Variants in SDK2 observed in about 807,000 individuals in gnomAD.
SDK2 encodes protein sidekick-2.
A neutral mutation model predicts 253.9 loss-of-function variants in SDK2; 105 were observed. The observed-to-expected ratio is 0.41, with a 90% CI of 0.35 to 0.49. SDK2 has a LOEUF of 0.49. Among genes scored for constraint, SDK2 ranks in the 20% least tolerant of loss-of-function variants. The probability of loss-of-function intolerance (pLI) is 0.06; values close to 1 mark genes in which losing one functional copy is unlikely to be tolerated. For missense variants in SDK2, 2,608 were observed against 3,003.0 expected (o/e 0.87, Z 3.07); for synonymous variants, 1,249 against 1,234.9 (o/e 1.01, Z -0.24).
rs533880177 is a variant in SDK2, at chr17:73,347,133, G to A, written c.6165+1466C>T. Among the ~76,000 whole-genome samples the A allele has an allele frequency of 8.5e-5, 13 of 152,200 alleles. No individual in the cohort carries two copies. The East Asian group carries it at 9.7e-4, about 11-fold the overall frequency. ...TCCCAGCACTTTGGGAGGCTGAGGC[G>A]GGGGAACACTTGAGGTCAGGCATTT... On this transcript the variant is annotated intron_variant, in intron 44 of 44. Coordinates refer to ENST00000392650, the MANE Select transcript of SDK2 (RefSeq NM_001144952.2).
At chr17:73,510,941 G>C (rs1254624487) in intron 1 of SDK2, among the ~76,000 whole-genome samples, 1 of 152,164 alleles carries the variant, frequency 6.6e-6, no homozygotes, top group Non-Finnish European at 1.5e-5. Flanking sequence ...GACTACCACT[G>C]CTGGTCCCTT....
At chr17:73,495,743 G>A (rs565712412) in intron 2 of SDK2, among the ~76,000 whole-genome samples, 8 of 152,018 alleles carry the variant, frequency 5.3e-5, no homozygotes, top group African/African-American at 1.7e-4. Flanking sequence ...GGGAGGAGCT[G>A]GCCTCAGGTC....
chr17:73,587,044 G>A lies in SDK2; in HGVS notation c.64+56981C>T, dbSNP rs72845788. On this transcript the variant is annotated intron_variant, in intron 1 of 44. Coordinates refer to ENST00000392650, the MANE Select transcript of SDK2 (RefSeq NM_001144952.2). ...ATTAACTGTCATATGTAAAGGGCTC[G>A]GTATGGTGCCTGGCCTGTGGCTGCT... 2.2e-4 allele frequency among the ~76,000 whole-genome samples: 33 copies of A among 152,136 alleles called. 1 individual carries two copies. Among genetic ancestry groups the A allele is most frequent in the East Asian group, 9.6e-4 (5 of 5,190 alleles).
At chr17:73,597,872 C>T (rs2045782503) in intron 1 of SDK2, among the ~76,000 whole-genome samples, 1 of 152,090 alleles carries the variant, frequency 6.6e-6, no homozygotes, top group Non-Finnish European at 1.5e-5. Flanking sequence ...GTTTCGATCT[C>T]CTGACCTCGT....
chr17:73,392,967 G>A (rs753763174), intron 27 of SDK2, among the ~76,000 whole-genome samples: 9 of 152,112 alleles, frequency 5.9e-5, no homozygotes, highest in Non-Finnish European at 8.8e-5. Context: ...AAAACTGGCC[G>A]GGTGCAGTGG....
chr17:73,359,622 A>C (rs2062624442), intron 39 of SDK2, among the ~76,000 whole-genome samples: 1 of 152,064 alleles, frequency 6.6e-6, no homozygotes, highest in Admixed American at 6.5e-5. Flanking sequence ...CGCCCCCTGC[A>C]CCCACACCAT....
At chr17:73,600,526 C>A (rs1304286683) in intron 1 of SDK2, among the ~76,000 whole-genome samples, 3 of 152,112 alleles carry the variant, frequency 2.0e-5, no homozygotes, top group Admixed American at 2.0e-4. Context: ...TTCTCTGGGG[C>A]AGAGCCTCAC....
intron 2 of SDK2, among the ~76,000 whole-genome samples, chr17:73,485,176 G>A (rs758509318): frequency 1.3e-5 from 2 of 152,172 alleles, no homozygotes; most frequent in Non-Finnish European, 2.9e-5. Flanking sequence ...AGATGGGCGG[G>A]ACTTGGTAGG....
intron 1 of SDK2, among the ~76,000 whole-genome samples, chr17:73,565,991 T>C (rs1303527094): frequency 6.6e-6 from 1 of 152,176 alleles, no homozygotes; most frequent in Admixed American, 6.5e-5. Context: ...ACCCAGCTAA[T>C]TTTTGTATTT....
chr17:73,399,369 G>A (rs746984385), intron 21 of SDK2, 80 bp from the exon 22 acceptor site: 5 of 1,444,626 alleles, frequency 3.5e-6, no homozygotes, highest in Non-Finnish European at 4.8e-6. Context: ...GGGCATGGAG[G>A]GGGCTGTGTG....
intron 36 of SDK2, among the ~76,000 whole-genome samples, chr17:73,372,111 C>T (rs972685415): frequency 4.6e-5 from 7 of 152,258 alleles, no homozygotes; most frequent in Admixed American, 2.6e-4. Flanking sequence ...AGGAGTGGGT[C>T]GGGGCCTAGA....
At chr17:73,537,326 T>C (rs1205520247) in intron 1 of SDK2, among the ~76,000 whole-genome samples, 1 of 152,006 alleles carries the variant, frequency 6.6e-6, no homozygotes, top group Non-Finnish European at 1.5e-5. Flanking sequence ...CAAAGCAGAT[T>C]TCCAATCTGC....
Position 73,480,795 on chromosome 17 carries a change from C to G in SDK2, c.225-8577G>C, listed in dbSNP as rs527264596. On this transcript the variant is annotated intron_variant, in intron 2 of 44. Transcript: ENST00000392650. The stretch of plus-strand genomic sequence containing the variant: ...AGACAGAGAGGTAAAGCCCTCTCCC[C>G]ATGTAGGACACAGCCAGAGGCCGGG... 7.9e-5 allele frequency among the ~76,000 whole-genome samples: 12 copies of G among 152,240 alleles called. No individual in the cohort carries two copies. The South Asian group carries it at 2.5e-3, about 32-fold the overall frequency.
At position 73,385,867 on chromosome 17, in the gene SDK2, AGGT is replaced by A; in HGVS notation, c.4546_4548del (p.Thr1516del). The stretch of plus-strand genomic sequence containing the variant: ...CATACCTGCCATCGGATTAGCACGG[AGGT>A]GGTGGTGTGGGGCGTCACGGAGAGG... On this transcript the variant is annotated inframe_deletion, in exon 32 of 45. Coordinates refer to ENST00000392650, the MANE Select transcript of SDK2 (RefSeq NM_001144952.2). 1 of 1,608,250 alleles carries A rather than the reference AGGT, an allele frequency of 6.2e-7. No individual in the cohort carries two copies. The highest frequency in any genetic ancestry group is 1.3e-5 in the African/African-American group (1 of 74,852).
intron 30 of SDK2, among the ~76,000 whole-genome samples, 164 bp from the exon 31 acceptor site, chr17:73,386,712 CAA>C (rs1284581714): frequency 6.6e-6 from 1 of 152,176 alleles, no homozygotes; most frequent in Non-Finnish European, 1.5e-5. Flanking sequence ...AGCTTTGCTG[CAA>C]AGAGGACAAA....
At chr17:73,578,799 C>T (rs1305017409) in intron 1 of SDK2, among the ~76,000 whole-genome samples, 1 of 152,174 alleles carries the variant, frequency 6.6e-6, no homozygotes, top group Non-Finnish European at 1.5e-5. Flanking sequence ...CGCGCCAGCC[C>T]AACCTGAGGC....
intron 1 of SDK2, chr17:73,519,769 G>A (rs1017979045): frequency 3.3e-4 from 50 of 152,168 alleles, no homozygotes; most frequent in African/African-American, 1.1e-3. Context: ...TGGAGCCCAG[G>A]AACAGATTCC....
intron 4 of SDK2, among the ~76,000 whole-genome samples, chr17:73,448,100 C>T (rs1004001944): frequency 6.6e-6 from 1 of 152,196 alleles, no homozygotes; most frequent in African/African-American, 2.4e-5. Flanking sequence ...TCACAGCCTC[C>T]ATGGCTGTGT....
intron 17 of SDK2, 44 bp downstream of exon 17, chr17:73,415,767 G>T: frequency 6.6e-7 from 1 of 1,507,526 alleles, no homozygotes; most frequent in Non-Finnish European, 9.0e-7. Flanking sequence ...AGGATTACAC[G>T]CATGAGCCAC....
Sources: gnomAD v4.1 joint callset for allele counts (sites outside exome capture counted in the v4.1 genomes callset) on GRCh38, gnomAD v4.1.1 for gene constraint, MANE v1.5 for transcripts, NCBI Gene and HGNC (gene_info 2026-07-23, HGNC 2026-07-21) for gene names.